Variants in UBE2E2 observed in about 807,000 individuals in gnomAD.
UBE2E2 encodes the protein ubiquitin-conjugating enzyme E2 E2.
Under a neutral mutation model 24.7 loss-of-function variants are expected in UBE2E2, and 6 were observed. The ratio of observed to expected loss-of-function variants is 0.24; its 90% CI spans 0.13 to 0.48. The LOEUF (loss-of-function observed/expected upper bound fraction) is 0.48, where lower values mean the gene tolerates loss of function less well. Ranked by LOEUF, UBE2E2 falls within the 20% of genes least tolerant of loss-of-function variation. The pLI is 0.99. For missense variants in UBE2E2, 169 were observed against 245.0 expected, an observed-to-expected ratio of 0.69 and a Z score of 2.07; for synonymous variants, 104 against 83.6, an observed-to-expected ratio of 1.24 and a Z score of -1.33.
intron 3 of UBE2E2, among the ~76,000 whole-genome samples, chr3:23,401,930 C>T (rs1438715530): frequency 6.9e-6 from 1 of 144,810 alleles, no homozygotes; most frequent in South Asian, 2.2e-4. Flanking sequence ...CATCTCAGCT[C>T]TCTGCAACCT....
At chr3:23,399,174 A>C (rs78500536) in intron 3 of UBE2E2, among the ~76,000 whole-genome samples, 1 of 152,164 alleles carries the variant, frequency 6.6e-6, no homozygotes, top group African/African-American at 2.4e-5. Flanking sequence ...TAGTAACCTC[A>C]GCGTAGGATT....
intron 3 of UBE2E2, among the ~76,000 whole-genome samples, chr3:23,244,093 G>C (rs555485811): frequency 1.3e-5 from 2 of 150,532 alleles, no homozygotes; most frequent in East Asian, 3.9e-4. Flanking sequence ...ATCAATTAAG[G>C]GTGATTTTAT....
rs552780537 is a variant in UBE2E2, at chr3:23,591,445, C to G, written c.*1614C>G. On this transcript the variant is annotated 3_prime_UTR_variant, in exon 6 of 6. Transcript: ENST00000396703. The stretch of plus-strand genomic sequence containing the variant: ...ATATATTTAAATATTGCAAATGCCA[C>G]TTCTAAACCAAAATACCTGAGAATA... The G allele has an allele frequency of 1.3e-5, 2 of 152,172 alleles. No homozygotes were observed. Among genetic ancestry groups the G allele is most frequent in the South Asian group, 4.1e-4 (2 of 4,826 alleles). The allele number at this position is 152,172 out of a possible 1,614,324, so 9.4% of individuals were successfully genotyped here.
intron 3 of UBE2E2, among the ~76,000 whole-genome samples, chr3:23,237,637 G>A (rs2125336001): frequency 6.6e-6 from 1 of 152,120 alleles, no homozygotes; most frequent in East Asian, 1.9e-4. Context: ...GTTTATTGGT[G>A]AAAACATTTT....
chr3:23,362,219 A>G (rs531223758), intron 3 of UBE2E2, among the ~76,000 whole-genome samples: 3 of 152,234 alleles, frequency 2.0e-5, no homozygotes, highest in African/African-American at 7.2e-5. Flanking sequence ...GAGAGGAACA[A>G]AGAAGGGCAT....
rs1695806081 is a variant in UBE2E2, at chr3:23,352,990, A to G, written c.227+135678A>G. On this transcript the variant is annotated intron_variant, in intron 3 of 5. Transcript: ENST00000396703. ...CATTGATGCAAAAATCCTCAATAAA[A>G]TACTAGCAAACCGAATCCAGCAGCA... 2.0e-5 allele frequency among the ~76,000 whole-genome samples: 3 copies of G among 152,188 alleles called. No homozygotes were observed. In the South Asian group the frequency reaches 6.2e-4, roughly 32 times the overall value.
At chr3:23,436,976 GGAGAACAAGACATAA>G (rs1314532724) in intron 3 of UBE2E2, among the ~76,000 whole-genome samples, 1 of 152,178 alleles carries the variant, frequency 6.6e-6, no homozygotes, top group African/African-American at 2.4e-5. Context: ...CTCTCACTGT[GGAGAACAAGACATAA>G]GAGTTGTGTA....
intron 3 of UBE2E2, among the ~76,000 whole-genome samples, chr3:23,357,937 G>T (rs921347720): frequency 6.6e-6 from 1 of 152,150 alleles, no homozygotes; most frequent in Admixed American, 6.5e-5. Context: ...CTCGTCAAGC[G>T]TGATCCTTCT....
chr3:23,488,200 C>CT (rs11352255), intron 3 of UBE2E2, among the ~76,000 whole-genome samples: 11,132 of 140,178 alleles, frequency 0.079, 497 homozygotes, highest in Non-Finnish European at 0.092. Flanking sequence ...GATTACATTT[C>CT]TTTTTTTTTT....
chr3:23,505,578 A>C (rs1694428234), intron 4 of UBE2E2, among the ~76,000 whole-genome samples: 1 of 152,190 alleles, frequency 6.6e-6, no homozygotes, highest in Non-Finnish European at 1.5e-5. Flanking sequence ...ACAAGACAAA[A>C]AATTACACAC....
At chr3:23,284,100 A>G (rs991184354) in intron 3 of UBE2E2, among the ~76,000 whole-genome samples, 1 of 152,140 alleles carries the variant, frequency 6.6e-6, no homozygotes, top group South Asian at 2.1e-4. Flanking sequence ...TTTTACTTCA[A>G]TTCCAATCTC....
At chr3:23,377,907 C>T (rs897236723) in intron 3 of UBE2E2, among the ~76,000 whole-genome samples, 8 of 151,944 alleles carry the variant, frequency 5.3e-5, no homozygotes, top group Non-Finnish European at 7.4e-5. Flanking sequence ...ATGTGTATTG[C>T]CAAATGAAAG....
intron 3 of UBE2E2, among the ~76,000 whole-genome samples, chr3:23,441,272 G>C (rs1473981516): frequency 6.6e-6 from 1 of 150,856 alleles, no homozygotes; most frequent in Non-Finnish European, 1.5e-5. Context: ...TGTAATCCCA[G>C]CCAGTACTTT....
chr3:23,470,318 C>T (rs1352486997), intron 3 of UBE2E2, among the ~76,000 whole-genome samples: 3 of 152,194 alleles, frequency 2.0e-5, no homozygotes, highest in East Asian at 1.9e-4. Context: ...AAGAAAGATC[C>T]TCCCCCCAAT....
intron 3 of UBE2E2, among the ~76,000 whole-genome samples, chr3:23,260,311 A>T (rs1452065242): frequency 6.6e-6 from 1 of 152,186 alleles, no homozygotes; most frequent in African/African-American, 2.4e-5. Flanking sequence ...GCCTGTGCCA[A>T]ATTGTACTTG....
rs1441623203 is a variant in UBE2E2 at position 23,286,974 on chromosome 3, A to G, written c.227+69662A>G. Among the ~76,000 whole-genome samples, 3 of 152,026 alleles carry G rather than the reference A, an allele frequency of 2.0e-5. 1 individual carries two copies. Among genetic ancestry groups the G allele is most frequent in the South Asian group, 4.2e-4 (2 of 4,816 alleles). ...GCTGTTGGCATATGGAGATGCTTTT[A>G]TAGTGGTGAAAGTGGGTATCCTTTT... is the stretch of plus-strand genomic sequence containing the variant. On this transcript the variant is annotated intron_variant, in intron 3 of 5. Coordinates refer to ENST00000396703, the MANE Select transcript of UBE2E2 (RefSeq NM_152653.4).
At chr3:23,338,690 C>T (rs1454509504) in intron 3 of UBE2E2, among the ~76,000 whole-genome samples, 1 of 152,100 alleles carries the variant, frequency 6.6e-6, no homozygotes, top group Non-Finnish European at 1.5e-5. Context: ...TATGAGCCAA[C>T]TCTAAGGAGC....
At chr3:23,219,072 T>C (rs1696556494) in intron 3 of UBE2E2, among the ~76,000 whole-genome samples, 1 of 152,180 alleles carries the variant, frequency 6.6e-6, no homozygotes, top group African/African-American at 2.4e-5. Flanking sequence ...TTTTCTGACT[T>C]GGGAATTTGT....
At chr3:23,287,724 C>A (rs1400063959) in intron 3 of UBE2E2, among the ~76,000 whole-genome samples, 1 of 149,046 alleles carries the variant, frequency 6.7e-6, no homozygotes, top group East Asian at 1.9e-4. Flanking sequence ...GCTCATAGTG[C>A]CCCTAATGAT....
Sources: gnomAD v4.1 joint callset for allele counts (sites outside exome capture counted in the v4.1 genomes callset) on GRCh38, gnomAD v4.1.1 for gene constraint, MANE v1.5 for transcripts, NCBI Gene and HGNC (gene_info 2026-07-23, HGNC 2026-07-21) for gene names.